NEK1: variants seen among roughly 807,000 people sequenced by gnomAD.
NEK1 encodes the protein NIMA related kinase 1, also known as serine/threonine-protein kinase Nek1.
Under a neutral mutation model 182.1 loss-of-function variants are expected in NEK1, and 137 were observed. The observed-to-expected ratio is 0.75, with a 90% confidence interval of 0.65 to 0.87. NEK1 has a LOEUF of 0.87. Ranked by LOEUF, NEK1 falls within the 40% of genes least tolerant of loss-of-function variation. The pLI is 0.00. For missense variants in NEK1, 1,391 were observed against 1,494.4 expected (o/e 0.93, Z 1.14); for synonymous variants, 513 against 492.2 (o/e 1.04, Z -0.56).
At chr4:169,515,598 C>A (rs1180442209) in intron 19 of NEK1, among the ~76,000 whole-genome samples, 1 of 130,960 alleles carries the variant, frequency 7.6e-6, no homozygotes, top group African/African-American at 2.9e-5. Context: ...GTGCGCTGCA[C>A]CCACTAATGT....
chr4:169,440,564 A>G (rs1339520789), intron 27 of NEK1, among the ~76,000 whole-genome samples: 3 of 152,206 alleles, frequency 2.0e-5, no homozygotes, highest in Non-Finnish European at 4.4e-5. Context: ...CATTGAATAG[A>G]GCATCTGAAA....
At chr4:169,558,694 G>A (rs956620422) in intron 16 of NEK1, among the ~76,000 whole-genome samples, 1 of 151,880 alleles carries the variant, frequency 6.6e-6, no homozygotes, top group African/African-American at 2.4e-5. Flanking sequence ...CATACATGTG[G>A]AATATATAAT....
intron 19 of NEK1, among the ~76,000 whole-genome samples, chr4:169,509,283 T>C (rs1161690513): frequency 6.6e-6 from 1 of 152,132 alleles, no homozygotes; most frequent in African/African-American, 2.4e-5. Context: ...ATTCAACAAA[T>C]GGGTTGTATA....
intron 32 of NEK1, among the ~76,000 whole-genome samples, chr4:169,404,638 C>T (rs1732261973): frequency 6.6e-6 from 1 of 152,060 alleles, no homozygotes; most frequent in South Asian, 2.1e-4. Context: ...GTGATTTGAA[C>T]ACACTGTACC....
intron 18 of NEK1, among the ~76,000 whole-genome samples, chr4:169,553,198 T>C (rs779087795): frequency 1.3e-5 from 2 of 152,228 alleles, no homozygotes; most frequent in South Asian, 4.1e-4. Flanking sequence ...AGCACAGAAA[T>C]AGACTGACAT....
intron 27 of NEK1, among the ~76,000 whole-genome samples, chr4:169,441,862 T>C (rs1739521084): frequency 6.6e-6 from 1 of 152,140 alleles, no homozygotes; most frequent in African/African-American, 2.4e-5. Flanking sequence ...TACCTGGCGA[T>C]GCCCCCAATA....
At chr4:169,569,524 G>A (rs1330496144) in intron 12 of NEK1, among the ~76,000 whole-genome samples, 2 of 132,350 alleles carry the variant, frequency 1.5e-5, no homozygotes, top group Non-Finnish European at 3.1e-5. Context: ...TCTTTCCACA[G>A]TCTCCCTCTG....
At chr4:169,502,468 G>C (rs971629485) in intron 23 of NEK1, among the ~76,000 whole-genome samples, 2 of 151,952 alleles carry the variant, frequency 1.3e-5, no homozygotes, top group African/African-American at 2.4e-5. Context: ...GATGAAAATA[G>C]ACACAAAAAT....
At chr4:169,576,818 G>C (rs1318008994) in intron 12 of NEK1, 110 bp downstream of exon 12, 7 of 1,065,250 alleles carry the variant, frequency 6.6e-6, no homozygotes, top group Admixed American at 6.4e-5. Context: ...GACATTCCTT[G>C]GTAACTTAAT....
intron 18 of NEK1, among the ~76,000 whole-genome samples, chr4:169,547,301 C>T (rs1760654597): frequency 6.6e-6 from 1 of 152,162 alleles, no homozygotes; most frequent in African/African-American, 2.4e-5. Flanking sequence ...AATATTGACC[C>T]CCACTCTCTT....
intron 5 of NEK1, among the ~76,000 whole-genome samples, chr4:169,591,127 C>A (rs1313072254): frequency 6.6e-6 from 1 of 150,520 alleles, no homozygotes; most frequent in Non-Finnish European, 1.5e-5. Context: ...GTTTTTAATA[C>A]ATCTTTTTTC....
chr4:169,509,974 ATTC>A (rs1424911196), intron 19 of NEK1, among the ~76,000 whole-genome samples: 1 of 152,120 alleles, frequency 6.6e-6, no homozygotes, highest in Non-Finnish European at 1.5e-5. Flanking sequence ...TACAAACACT[ATTC>A]TTAAGTGACT....
At chr4:169,408,349 T>C (rs571312027) in intron 31 of NEK1, among the ~76,000 whole-genome samples, 1 of 152,344 alleles carries the variant, frequency 6.6e-6, no homozygotes, top group Middle Eastern at 3.4e-3. Flanking sequence ...AAGCCCTTCA[T>C]GTTCACAGTA....
chr4:169,474,609 T>A (rs991930714), intron 26 of NEK1, among the ~76,000 whole-genome samples: 1 of 152,196 alleles, frequency 6.6e-6, no homozygotes, highest in Non-Finnish European at 1.5e-5. Context: ...CAGTGTATAT[T>A]TTTTAGCCTT....
intron 31 of NEK1, among the ~76,000 whole-genome samples, chr4:169,421,201 C>T (rs1172846991): frequency 1.3e-5 from 2 of 152,122 alleles, no homozygotes; most frequent in African/African-American, 4.8e-5. Flanking sequence ...AATTTCAACA[C>T]TCCTTTTCAG....
At chr4:169,603,170 T>C (rs1770769839) in intron 2 of NEK1, among the ~76,000 whole-genome samples, 1 of 152,208 alleles carries the variant, frequency 6.6e-6, no homozygotes, top group South Asian at 2.1e-4. Context: ...TCAAAGAATA[T>C]GCCCATGTTA....
rs191105291 is a variant in NEK1 at position 169,479,311 on chromosome 4, G to A, written c.2139+92C>T. ...TTTTTTTCCTTAGAAAAACCTGAAAGGGACATTAGGGATTAATGTGATTTC... is the reference window on the plus strand; with the variant it reads ...TTTTTTTCCTTAGAAAAACCTGAAAAGGACATTAGGGATTAATGTGATTTC... On this transcript the variant is annotated intron_variant, in intron 24 of 35. Transcript: ENST00000507142. 7.1e-6 allele frequency: 9 copies of A among 1,275,084 alleles called. No homozygotes were observed. In the African/African-American group the frequency reaches 7.6e-5, roughly 11 times the overall value. The allele number at this position is 1,275,084 out of a possible 1,614,324, so 79.0% of individuals were successfully genotyped here.
chr4:169,468,052 A>G (rs1376549998), intron 26 of NEK1, among the ~76,000 whole-genome samples: 2 of 152,182 alleles, frequency 1.3e-5, no homozygotes, highest in South Asian at 2.1e-4. Context: ...AGGAGTGACT[A>G]TATCAATATC....
rs1300907226 is a variant in NEK1, at chr4:169,477,361, CACG to C, written c.2206-12_2206-10del. On this transcript the variant is annotated splice_polypyrimidine_tract_variant and intron_variant, in intron 25 of 35. Transcript: ENST00000507142. Reference sequence around the variant, plus strand: ...AGTATTTCTCGCTTACTCTGAAAGTCACGACATTATATATTTTAATATGTATAT... The same window carrying C: ...AGTATTTCTCGCTTACTCTGAAAGTCACATTATATATTTTAATATGTATAT... The C allele has an allele frequency of 9.0e-6, 14 of 1,559,312 alleles. No homozygotes were observed. Among genetic ancestry groups the C allele is most frequent in the African/African-American group, 1.4e-5 (1 of 72,740 alleles).
Sources: allele counts gnomAD v4.1 joint callset (sites outside exome capture counted in the v4.1 genomes callset), GRCh38; gene constraint gnomAD v4.1.1; transcripts MANE v1.5; gene names NCBI Gene and HGNC (gene_info 2026-07-23, HGNC 2026-07-21).